DNM3: variants seen among roughly 807,000 people sequenced by gnomAD.
DNM3 encodes the protein dynamin 3.
DNM3 carries 47 observed loss-of-function variants against 101.6 expected under a neutral mutation model. That is an observed-to-expected ratio of 0.46 (90% CI 0.37 to 0.59). DNM3 has a LOEUF of 0.59. Ranked by LOEUF, DNM3 falls within the 20% of genes least tolerant of loss-of-function variation. The probability of loss-of-function intolerance (pLI) is 0.00; values close to 1 mark genes in which losing one functional copy is unlikely to be tolerated. For synonymous variants in DNM3, 385 were observed against 387.9 expected, an observed-to-expected ratio of 0.99 and a Z score of 0.09; for missense variants, 849 against 1,085.7, an observed-to-expected ratio of 0.78 and a Z score of 3.06.
chr1:171,978,556 G>A (rs746000944), intron 2 of DNM3, among the ~76,000 whole-genome samples: 1 of 152,150 alleles, frequency 6.6e-6, no homozygotes, highest in Non-Finnish European at 1.5e-5. Context: ...ATCGGACTTT[G>A]TAGAGTAGGC....
intron 17 of DNM3, among the ~76,000 whole-genome samples, chr1:172,358,989 T>A (rs2149002914): frequency 6.6e-6 from 1 of 152,098 alleles, no homozygotes; most frequent in South Asian, 2.1e-4. Context: ...CTGTTTTCTG[T>A]GAGCTGGCTT....
intron 4 of DNM3, among the ~76,000 whole-genome samples, chr1:172,006,376 C>T (rs1216615481): frequency 6.6e-6 from 1 of 152,044 alleles, no homozygotes; most frequent in African/African-American, 2.4e-5. Flanking sequence ...GAGAGATTCA[C>T]AGCTTTCACA....
intron 1 of DNM3, among the ~76,000 whole-genome samples, chr1:171,912,416 A>G (rs2039382353): frequency 6.6e-6 from 1 of 152,050 alleles, no homozygotes; most frequent in Non-Finnish European, 1.5e-5. Context: ...GGCTTAAATC[A>G]TTGTCTGTCT....
intron 4 of DNM3, among the ~76,000 whole-genome samples, chr1:172,029,771 C>T (rs1257477118): frequency 6.6e-6 from 1 of 152,102 alleles, no homozygotes; most frequent in Non-Finnish European, 1.5e-5. Flanking sequence ...AAGAGACAAA[C>T]AGAGAACCAA....
At chr1:171,962,102 A>C (rs892773020) in intron 2 of DNM3, among the ~76,000 whole-genome samples, 1 of 152,108 alleles carries the variant, frequency 6.6e-6, no homozygotes, top group Non-Finnish European at 1.5e-5. Flanking sequence ...CTTCTTATGA[A>C]ACCATTAGTT....
intron 20 of DNM3, among the ~76,000 whole-genome samples, chr1:172,405,257 C>T (rs898934053): frequency 6.6e-6 from 1 of 152,060 alleles, no homozygotes; most frequent in African/African-American, 2.4e-5. Context: ...GCTGAATACA[C>T]ATAATAAATG....
chr1:171,982,718 G>A (rs1415489857), intron 2 of DNM3, among the ~76,000 whole-genome samples: 1 of 151,866 alleles, frequency 6.6e-6, no homozygotes, highest in Non-Finnish European at 1.5e-5. Context: ...TATTATAGTA[G>A]TATATAAACT....
intron 6 of DNM3, among the ~76,000 whole-genome samples, chr1:172,037,766 T>C (rs1352939819): frequency 6.6e-6 from 1 of 152,204 alleles, no homozygotes; most frequent in Non-Finnish European, 1.5e-5. Flanking sequence ...GTCATGGAGT[T>C]GCACTGGGAT....
intron 10 of DNM3, 146 bp downstream of exon 10, chr1:172,048,896 G>A: frequency 1.0e-6 from 1 of 977,460 alleles, no homozygotes; most frequent in Non-Finnish European, 1.5e-6. Context: ...AAAGTACTGA[G>A]TGGGAATTGC....
chr1:172,022,392 G>A (rs1412282961), intron 4 of DNM3, among the ~76,000 whole-genome samples: 1 of 152,000 alleles, frequency 6.6e-6, no homozygotes, highest in Admixed American at 6.6e-5. Context: ...CTGCCAGCAG[G>A]AGTTCATTGA....
chr1:172,404,943 T>C (rs982767289), intron 20 of DNM3, among the ~76,000 whole-genome samples: 1 of 152,130 alleles, frequency 6.6e-6, no homozygotes, highest in Non-Finnish European at 1.5e-5. Flanking sequence ...ATGCAATATA[T>C]AACTGGAAGT....
chr1:172,304,105 AC>A (rs1266504567), intron 15 of DNM3, among the ~76,000 whole-genome samples: 1 of 150,900 alleles, frequency 6.6e-6, no homozygotes. Flanking sequence ...AAGAATCAAG[AC>A]CCATCAGTGT....
At chr1:172,170,766 C>T (rs2058926692) in intron 14 of DNM3, among the ~76,000 whole-genome samples, 3 of 151,856 alleles carry the variant, frequency 2.0e-5, no homozygotes, top group South Asian at 2.1e-4. Context: ...CCCACAAATC[C>T]CATCATAAAT....
chr1:171,986,642 T>G (rs1474338634), intron 2 of DNM3, among the ~76,000 whole-genome samples: 3 of 151,884 alleles, frequency 2.0e-5, no homozygotes, highest in Non-Finnish European at 2.9e-5. Flanking sequence ...GCTTTTTTTT[T>G]TTTTTTGAGA....
chr1:171,919,762 A>G (rs2040009497), intron 1 of DNM3, among the ~76,000 whole-genome samples: 1 of 152,216 alleles, frequency 6.6e-6, no homozygotes, highest in Non-Finnish European at 1.5e-5. Flanking sequence ...TATTCAAAAC[A>G]TCATTATAAA....
intron 15 of DNM3, among the ~76,000 whole-genome samples, chr1:172,261,433 G>A (rs572352297): frequency 6.6e-6 from 1 of 152,328 alleles, no homozygotes; most frequent in African/African-American, 2.4e-5. Context: ...GAATGCAGTT[G>A]TTATTAGTAG....
intron 20 of DNM3, among the ~76,000 whole-genome samples, chr1:172,399,506 T>C (rs896812574): frequency 6.6e-6 from 1 of 152,160 alleles, no homozygotes; most frequent in African/African-American, 2.4e-5. Flanking sequence ...GGAGGAAATG[T>C]GGGCCGTTCT....
Position 172,418,292 on chromosome 1 carries a change from CT to C in DNM3, c.2553del (p.Ala852GlnfsTer26). On this transcript the variant is annotated frameshift_variant, in exon 21 of 21. Transcript: ENST00000485254. LOFTEE classifies it high-confidence loss of function. The stretch of plus-strand genomic sequence containing the variant: ...TTTGTTTTTACTAGGCGACCCCCTC[CT>C]GCAGTTCCAGGACGACCATCCTAAC... 1.6e-6 allele frequency: 2 copies of C among 1,289,530 alleles called. No individual in the cohort carries two copies. The allele number at this position is 1,289,530 out of a possible 1,614,324, so 79.9% of individuals were successfully genotyped here.
In DNM3 at chr1:172,388,716, G is replaced by A; in HGVS notation, c.2429G>A (p.Gly810Asp). 6.2e-7 allele frequency: 1 copy of A among 1,613,598 alleles called. No homozygotes were observed. The highest frequency in any genetic ancestry group is 2.2e-5 in the East Asian group (1 of 44,822). Residue 810 changes from glycine (G) to aspartate (D), a missense_variant, in exon 20 of 21, where the codon GGC becomes GAC. This residue lies in a region of DNM3 where 256 missense variants were observed against 311.7 expected (regional missense o/e 0.82). Transcript: ENST00000627582. ...GCTCCTCCAGTCCCATTCCGTCCAG[G>A]CCCATTACCTCCTTTCCCCAGCAGC... is the stretch of plus-strand genomic sequence containing the variant. ...SGAPPVPFRP[G>D]PLPPFPSSSD...
Sources: allele counts gnomAD v4.1 joint callset (sites outside exome capture counted in the v4.1 genomes callset), GRCh38; gene constraint gnomAD v4.1.1; regional missense constraint gnomAD v4.1.1; transcripts MANE v1.5; gene names NCBI Gene and HGNC (gene_info 2026-07-23, HGNC 2026-07-21).